The following RBKS variants were observed in gnomAD, a reference collection of about 807,000 sequenced individuals.
RBKS encodes the protein ribokinase.
A neutral mutation model predicts 33.9 loss-of-function variants in RBKS; 33 were observed. The observed-to-expected ratio is 0.97, with a 90% CI of 0.74 to 1.30. The LOEUF (loss-of-function observed/expected upper bound fraction) is 1.30, where lower values mean the gene tolerates loss of function less well. Ranked by LOEUF, RBKS falls within the 50% of genes most tolerant of loss-of-function variation. The pLI, the probability that RBKS is intolerant of heterozygous loss-of-function variation, is 0.00. For missense variants in RBKS, 361 were observed against 392.6 expected, an observed-to-expected ratio of 0.92 and a Z score of 0.68; for synonymous variants, 125 against 143.0, an observed-to-expected ratio of 0.87 and a Z score of 0.90.
At chr2:27,871,049 T>C (rs930247997) in intron 1 of RBKS, among the ~76,000 whole-genome samples, 1 of 152,224 alleles carries the variant, frequency 6.6e-6, no homozygotes, top group African/African-American at 2.4e-5. Context: ...TGGTGCCAGC[T>C]GAATGAGGAA....
Position 27,795,120 on chromosome 2 carries a change from C to T in RBKS, c.796-13332G>A, listed in dbSNP as rs559381387. 2.6e-5 allele frequency among the ~76,000 whole-genome samples: 4 copies of T among 152,296 alleles called. No individual in the cohort carries two copies. The highest frequency in any genetic ancestry group is 2.1e-4 in the South Asian group (1 of 4,828). On this transcript the variant is annotated intron_variant, in intron 7 of 7. Coordinates refer to ENST00000302188, the MANE Select transcript of RBKS (RefSeq NM_022128.3). This position sits in a 1 kb window ranked among gnomAD's most constrained non-coding sequence, Gnocchi z 4.1. ...AACTCTTACGAGAGGTCGGAAATCT[C>T]GTCCATGTCTTTCCCTGCTGACTCC...
chr2:27,827,618 TTC>T lies in RBKS; in HGVS notation c.742_743del (p.Glu248ThrfsTer2). ...AEGCVVLSQT[E>X]PEPKHIPTEK... ...CTGTGGGAATGTGCTTTGGCTCAGG[TTC>T]TGTCTGTGACAGCACCACACATCCT... On this transcript the variant is annotated frameshift_variant, in exon 7 of 8. Coordinates refer to ENST00000302188, the MANE Select transcript of RBKS (RefSeq NM_022128.3). LOFTEE classifies it high-confidence loss of function. The T allele has an allele frequency of 6.2e-7, 1 of 1,610,838 alleles. No individual in the cohort carries two copies.
chr2:27,827,229 A>G (rs1465217913), intron 7 of RBKS, among the ~76,000 whole-genome samples: 1 of 152,254 alleles, frequency 6.6e-6, no homozygotes, highest in Non-Finnish European at 1.5e-5. Context: ...AGCAACTATC[A>G]TATGACTGGG....
chr2:27,783,169 G>T (rs1402832411), intron 7 of RBKS, among the ~76,000 whole-genome samples: 1 of 152,128 alleles, frequency 6.6e-6, no homozygotes, highest in Non-Finnish European at 1.5e-5. Context: ...GGGGCCGGGC[G>T]TGGTGGCTCA....
chr2:27,842,261 T>C (rs528567851), intron 5 of RBKS, among the ~76,000 whole-genome samples: 33 of 151,544 alleles, frequency 2.2e-4, no homozygotes, highest in Non-Finnish European at 4.4e-4. Context: ...AAAAGAGGAG[T>C]GAGTGGGAGA....
chr2:27,835,560 TGGGCCTA>T (rs1376788636), intron 5 of RBKS, among the ~76,000 whole-genome samples: 2 of 148,362 alleles, frequency 1.3e-5, no homozygotes, highest in African/African-American at 5.0e-5. Flanking sequence ...CTGGGACTAA[TGGGCCTA>T]TCACCATGCT....
At chr2:27,809,833 T>C (rs1677959201) in intron 7 of RBKS, 1 of 819,724 alleles carries the variant, frequency 1.2e-6, no homozygotes, top group Admixed American at 3.0e-5. Flanking sequence ...TTCATAATAT[T>C]AGCACCAACC....
intron 1 of RBKS, among the ~76,000 whole-genome samples, chr2:27,864,312 A>T (rs567255064): frequency 6.6e-6 from 1 of 152,052 alleles, no homozygotes; most frequent in Non-Finnish European, 1.5e-5. Flanking sequence ...CGTGAAACTC[A>T]TATCTTTTCC....
intron 2 of RBKS, among the ~76,000 whole-genome samples, chr2:27,856,194 C>A (rs1036280807): frequency 6.6e-6 from 1 of 152,124 alleles, no homozygotes; most frequent in Non-Finnish European, 1.5e-5. Flanking sequence ...GTTATCTAAC[C>A]AAAGTTACCC....
intron 7 of RBKS, among the ~76,000 whole-genome samples, chr2:27,809,397 A>C (rs1309612808): frequency 6.6e-6 from 1 of 152,224 alleles, no homozygotes; most frequent in African/African-American, 2.4e-5. Context: ...TTTATTCTAT[A>C]ATTTAAAGAA....
intron 7 of RBKS, among the ~76,000 whole-genome samples, chr2:27,796,666 G>A (rs1441058598): frequency 6.6e-6 from 1 of 152,098 alleles, no homozygotes; most frequent in East Asian, 1.9e-4. Context: ...GAGGGGTGCC[G>A]GTGGGGAGGG....
At chr2:27,847,977 A>T (rs1663654496) in intron 3 of RBKS, 57 bp downstream of exon 3, 1 of 1,016,634 alleles carries the variant, frequency 9.8e-7, no homozygotes, top group East Asian at 2.6e-5. Context: ...TTTTTCTCAT[A>T]ACAAAATCAC....
At chr2:27,850,407 G>A (rs1182486396) in intron 2 of RBKS, among the ~76,000 whole-genome samples, 2 of 152,176 alleles carry the variant, frequency 1.3e-5, no homozygotes, top group Non-Finnish European at 2.9e-5. Flanking sequence ...AATGTAAAAT[G>A]TCATATACCC....
intron 3 of RBKS, 42 bp from the exon 4 acceptor site, chr2:27,847,146 G>A: frequency 8.8e-7 from 1 of 1,135,338 alleles, no homozygotes; most frequent in Non-Finnish European, 1.3e-6. Flanking sequence ...TATACAGGCT[G>A]GCATGGATAA....
At chr2:27,822,289 C>T (rs1313688809) in intron 7 of RBKS, among the ~76,000 whole-genome samples, 2 of 152,110 alleles carry the variant, frequency 1.3e-5, no homozygotes, top group Admixed American at 1.3e-4. Flanking sequence ...GTACATTTTG[C>T]AATATTAGTT....
intron 5 of RBKS, among the ~76,000 whole-genome samples, chr2:27,840,364 GCACACACA>G (rs70953891): frequency 1.7e-4 from 22 of 130,076 alleles, no homozygotes; most frequent in African/African-American, 5.1e-4. Context: ...ACGCGCGCGC[GCACACACA>G]CACACACACA....
At chr2:27,811,081 A>G (rs1220200616) in intron 7 of RBKS, among the ~76,000 whole-genome samples, 1 of 152,164 alleles carries the variant, frequency 6.6e-6, no homozygotes, top group Non-Finnish European at 1.5e-5. Context: ...CAAATATGCC[A>G]TGCTCCCTTT....
At position 27,832,728 on chromosome 2, in the gene RBKS, C is replaced by A. The variant is rs781215857; in HGVS notation, c.564G>T (p.Gln188His). ...AGAACACATCTGAGAGGGTGTAGAA[C>A]TGGGGATCCAGGTCAGCAATGGCAG... ...PAPAIADLDP[Q>H]FYTLSDVFCC... The change falls in exon 6 of 8, where the codon CAG (glutamine) becomes CAT (histidine). Residue 188 changes from glutamine to histidine, a missense_variant. Coordinates refer to ENST00000302188, the MANE Select transcript of RBKS (RefSeq NM_022128.3). 1.9e-6 allele frequency: 3 copies of A among 1,613,730 alleles called. No individual in the cohort carries two copies. In the South Asian group the frequency reaches 3.3e-5, roughly 18 times the overall value.
At chr2:27,868,643 T>C (rs374292988) in intron 1 of RBKS, among the ~76,000 whole-genome samples, 1 of 152,222 alleles carries the variant, frequency 6.6e-6, no homozygotes, top group East Asian at 1.9e-4. Flanking sequence ...CCACCACTTC[T>C]TGTTTTGAGT....
Sources: allele counts gnomAD v4.1 joint callset (sites outside exome capture counted in the v4.1 genomes callset), GRCh38; gene constraint gnomAD v4.1.1; non-coding constraint Gnocchi (gnomAD v3.1); transcripts MANE v1.5; gene names NCBI Gene and HGNC (gene_info 2026-07-23, HGNC 2026-07-21).